The following PHACTR3 variants were observed in gnomAD, a reference collection of about 807,000 sequenced individuals.
The protein encoded by PHACTR3 is protein phosphatase 1, regulatory subunit 123.
Under a neutral mutation model 66.8 loss-of-function variants are expected in PHACTR3, and 16 were observed. The ratio of observed to expected loss-of-function variants is 0.24; its 90% CI spans 0.16 to 0.36. The LOEUF (loss-of-function observed/expected upper bound fraction) is 0.36, where lower values mean the gene tolerates loss of function less well. Ranked by LOEUF, PHACTR3 falls within the 10% of genes least tolerant of loss-of-function variation. The probability of loss-of-function intolerance (pLI) is 1.00; values close to 1 mark genes in which losing one functional copy is unlikely to be tolerated. For synonymous variants in PHACTR3, 323 were observed against 292.1 expected (o/e 1.11, Z -1.08); for missense variants, 647 against 719.9 (o/e 0.90, Z 1.16).
chr20:59,604,880 T>TG lies in PHACTR3; in HGVS notation c.-135_-134insG. 13 of 811,232 alleles carry TG rather than the reference T, an allele frequency of 1.6e-5. No individual in the cohort carries two copies. The East Asian group carries it at 7.6e-4, about 47-fold the overall frequency. The allele number at this position is 811,232 out of a possible 1,614,324, so 50.3% of individuals were successfully genotyped here. On this transcript the variant is annotated 5_prime_UTR_variant, in exon 1 of 13. Coordinates refer to ENST00000371015, the MANE Select transcript of PHACTR3 (RefSeq NM_080672.5). Reference sequence around the variant, plus strand: ...CCAGCTCGTTTCCTTTCCCGGCCTTTTTTTTTTTTTTTTTTTTTTAATTTT... The same window carrying TG: ...CCAGCTCGTTTCCTTTCCCGGCCTTTGTTTTTTTTTTTTTTTTTTTAATTTT...
chr20:59,635,166 T>C (rs372678481), intron 1 of PHACTR3, among the ~76,000 whole-genome samples: 1,160 of 45,824 alleles, frequency 0.025, 71 homozygotes, highest in Middle Eastern at 0.035. Context: ...TCTTTCTTTC[T>C]TTCCTTTCTT....
chr20:59,706,900 C>G (rs2037725684), intron 1 of PHACTR3, among the ~76,000 whole-genome samples: 1 of 152,202 alleles, frequency 6.6e-6, no homozygotes, highest in African/African-American at 2.4e-5. Flanking sequence ...TTAAAACACC[C>G]TCTACCTCTC....
intron 9 of PHACTR3, among the ~76,000 whole-genome samples, chr20:59,836,816 T>G (rs912919377): frequency 6.6e-6 from 1 of 152,212 alleles, no homozygotes; most frequent in Admixed American, 6.5e-5. Flanking sequence ...GTCCCATATG[T>G]CTAAGTGCGT....
chr20:59,806,265 A>C, intron 8 of PHACTR3, 71 bp downstream of exon 8: 5 of 1,558,560 alleles, frequency 3.2e-6, no homozygotes, highest in Non-Finnish European at 4.3e-6. Flanking sequence ...CTGAGATCCC[A>C]CATCCTGGGT....
intron 9 of PHACTR3, among the ~76,000 whole-genome samples, chr20:59,839,964 G>A (rs1394853406): frequency 6.6e-6 from 1 of 152,170 alleles, no homozygotes; most frequent in Non-Finnish European, 1.5e-5. Context: ...ATATTGAAAT[G>A]TACATATACA....
chr20:59,744,395 T>A (rs1465850589), intron 2 of PHACTR3, among the ~76,000 whole-genome samples: 1 of 152,194 alleles, frequency 6.6e-6, no homozygotes, highest in Non-Finnish European at 1.5e-5. Flanking sequence ...CACATGCCTG[T>A]GAGCCACACC....
At chr20:59,737,661 A>G (rs985263518) in intron 1 of PHACTR3, among the ~76,000 whole-genome samples, 3 of 152,180 alleles carry the variant, frequency 2.0e-5, no homozygotes, top group African/African-American at 7.2e-5. Flanking sequence ...GCCATCCCAC[A>G]TGGGGTGAGC....
intron 1 of PHACTR3, among the ~76,000 whole-genome samples, chr20:59,717,921 T>C (rs2038153696): frequency 6.6e-6 from 1 of 152,212 alleles, no homozygotes; most frequent in Non-Finnish European, 1.5e-5. Flanking sequence ...TCCTTTGTGA[T>C]GGTAGCTCCA....
At chr20:59,600,236 C>G (rs2033437228), upstream of PHACTR3, among the ~76,000 whole-genome samples, 1 of 152,220 alleles carries the variant, frequency 6.6e-6, no homozygotes, top group African/African-American at 2.4e-5. Flanking sequence ...GGCTCCCTCT[C>G]TGCTCCAGAT....
chr20:59,720,244 C>T (rs890859690), intron 1 of PHACTR3, among the ~76,000 whole-genome samples: 2 of 152,210 alleles, frequency 1.3e-5, no homozygotes, highest in Non-Finnish European at 2.9e-5. Context: ...AAGTGGTCCA[C>T]ATCTCACAGG....
chr20:59,676,765 G>T, intron 1 of PHACTR3: 2 of 982,286 alleles, frequency 2.0e-6, no homozygotes, highest in Non-Finnish European at 1.2e-6. Flanking sequence ...TGACCATAAG[G>T]TGAGTTGCTT....
intron 1 of PHACTR3, among the ~76,000 whole-genome samples, chr20:59,607,283 G>T (rs1172503084): frequency 6.6e-6 from 1 of 152,162 alleles, no homozygotes; most frequent in Non-Finnish European, 1.5e-5. Flanking sequence ...CTTTCAGAGA[G>T]CCTGGGGTTT....
At chr20:59,596,083 G>A (rs1205168919) in intron 1 of PHACTR3, among the ~76,000 whole-genome samples, 1 of 152,124 alleles carries the variant, frequency 6.6e-6, no homozygotes, top group Non-Finnish European at 1.5e-5. Context: ...TCCTCCATGG[G>A]TAGCTATTCT....
intron 7 of PHACTR3, among the ~76,000 whole-genome samples, chr20:59,785,860 TGCTTCTGCA>T (rs2040889205): frequency 9.3e-5 from 3 of 32,402 alleles, no homozygotes; most frequent in Admixed American, 4.2e-4. Context: ...CTGCATCCCC[TGCTTCTGCA>T]TCCCCTACTT....
At chr20:59,709,267 A>ATC (rs753290610) in intron 1 of PHACTR3, among the ~76,000 whole-genome samples, 1 of 152,268 alleles carries the variant, frequency 6.6e-6, no homozygotes, top group Admixed American at 6.5e-5. Flanking sequence ...TTTTCCATAG[A>ATC]TCTAAGACCC....
At chr20:59,651,387 C>G (rs1028094514) in intron 1 of PHACTR3, among the ~76,000 whole-genome samples, 4 of 152,102 alleles carry the variant, frequency 2.6e-5, no homozygotes, top group African/African-American at 9.7e-5. Flanking sequence ...CTGCCAGTGT[C>G]TATTAATCAA....
chr20:59,792,105 T>TAGAG (rs1568827054), intron 7 of PHACTR3, among the ~76,000 whole-genome samples: 1 of 152,172 alleles, frequency 6.6e-6, no homozygotes, highest in Non-Finnish European at 1.5e-5. Flanking sequence ...CTCTTCACTC[T>TAGAG]AGAGAGGGCA....
intron 7 of PHACTR3, among the ~76,000 whole-genome samples, chr20:59,779,247 G>C (rs1307130639): frequency 6.6e-6 from 1 of 152,194 alleles, no homozygotes. Flanking sequence ...CTTTGCTTTT[G>C]TCACATTCTC....
intron 1 of PHACTR3, among the ~76,000 whole-genome samples, chr20:59,639,910 A>G (rs1281167680): frequency 6.6e-6 from 1 of 152,228 alleles, no homozygotes; most frequent in Non-Finnish European, 1.5e-5. Context: ...ATAATGCAGG[A>G]AAAAAACTCG....
Sources: gnomAD v4.1 joint callset for allele counts (sites outside exome capture counted in the v4.1 genomes callset) on GRCh38, gnomAD v4.1.1 for gene constraint, MANE v1.5 for transcripts, NCBI Gene and HGNC (gene_info 2026-07-23, HGNC 2026-07-21) for gene names.